The following VCAN variants were observed in gnomAD, a reference collection of about 807,000 sequenced individuals.
The protein encoded by VCAN is versican core protein.
Under a neutral mutation model 245.5 loss-of-function variants are expected in VCAN, and 44 were observed. The observed-to-expected ratio is 0.18, with a 90% CI of 0.14 to 0.23. The LOEUF (loss-of-function observed/expected upper bound fraction) is 0.23. Ranked by LOEUF, VCAN falls within the 10% of genes least tolerant of loss-of-function variation. VCAN has a pLI of 1.00. For synonymous variants in VCAN, 1,413 were observed against 1,437.0 expected (o/e 0.98, Z 0.38); for missense variants, 3,793 against 4,057.9 (o/e 0.93, Z 1.77).
chr5:83,546,370 A>G (rs1411849156), intron 9 of VCAN, among the ~76,000 whole-genome samples: 1 of 152,168 alleles, frequency 6.6e-6, no homozygotes, highest in Non-Finnish European at 1.5e-5. Flanking sequence ...TTTGCTTACA[A>G]TGATTGAGTA....
At position 83,548,102 on chromosome 5, in the gene VCAN, A is replaced by C. The variant is rs1459391945; in HGVS notation, c.9493+18A>C. 1.3e-6 allele frequency: 2 copies of C among 1,580,790 alleles called. No homozygotes were observed. The highest frequency in any genetic ancestry group is 1.7e-6 in the Non-Finnish European group (2 of 1,149,980). On this transcript the variant is annotated intron_variant, in intron 10 of 14. Coordinates refer to ENST00000265077, the MANE Select transcript of VCAN (RefSeq NM_004385.5). ...TGAGCAAGGTAAGAGCTATTGCAAC[A>C]TTTGTATGATGAACATTATTGATTT...
At chr5:83,476,135 G>A (rs1283282156) in intron 1 of VCAN, among the ~76,000 whole-genome samples, 1 of 152,144 alleles carries the variant, frequency 6.6e-6, no homozygotes, top group East Asian at 1.9e-4. Context: ...CTCTTTTGTT[G>A]TATTATTAGG....
At chr5:83,492,350 G>A (rs1745010714) in intron 3 of VCAN, among the ~76,000 whole-genome samples, 2 of 152,158 alleles carry the variant, frequency 1.3e-5, no homozygotes, top group South Asian at 4.1e-4. Context: ...GGAAACCACA[G>A]TTTATCCCAA....
At chr5:83,570,996 T>C (rs1748266786) in intron 12 of VCAN, among the ~76,000 whole-genome samples, 2 of 152,148 alleles carry the variant, frequency 1.3e-5, no homozygotes, top group Admixed American at 1.3e-4. Flanking sequence ...CTAACAGATC[T>C]GTAGGCCCAG....
intron 13 of VCAN, among the ~76,000 whole-genome samples, chr5:83,573,918 G>A (rs1426639894): frequency 6.6e-6 from 1 of 152,188 alleles, no homozygotes; most frequent in African/African-American, 2.4e-5. Flanking sequence ...CATAAATGGA[G>A]ATGTATAAAA....
chr5:83,489,957 T>C, intron 2 of VCAN, 141 bp from the exon 3 acceptor site: 3 of 822,216 alleles, frequency 3.6e-6, no homozygotes, highest in Non-Finnish European at 5.7e-6. Flanking sequence ...TGCTATTCTC[T>C]TTATATAAAG....
At chr5:83,496,214 T>A (rs767069256) in intron 5 of VCAN, among the ~76,000 whole-genome samples, 19 of 152,220 alleles carry the variant, frequency 1.2e-4, no homozygotes, top group Non-Finnish European at 8.8e-5. Flanking sequence ...AGAGGAGCTC[T>A]GAGGATGTAT....
intron 7 of VCAN, among the ~76,000 whole-genome samples, chr5:83,523,046 T>G (rs150158864): frequency 1.3e-5 from 2 of 152,306 alleles, no homozygotes; most frequent in African/African-American, 4.8e-5. Flanking sequence ...ATTTTATGAT[T>G]TAATTGTTTT....
At chr5:83,507,772 C>T (rs1327625399) in intron 5 of VCAN, among the ~76,000 whole-genome samples, 1 of 152,198 alleles carries the variant, frequency 6.6e-6, no homozygotes, top group African/African-American at 2.4e-5. Context: ...TTCCACTGTG[C>T]TATAGTTTAC....
chr5:83,573,504 A>C (rs1413297400), intron 13 of VCAN, among the ~76,000 whole-genome samples: 1 of 152,176 alleles, frequency 6.6e-6, no homozygotes, highest in Non-Finnish European at 1.5e-5. Flanking sequence ...CTAAATGTTG[A>C]AATCTCAAAG....
chr5:83,553,595 G>C, intron 11 of VCAN, 73 bp downstream of exon 11: 1 of 1,592,894 alleles, frequency 6.3e-7, no homozygotes, highest in Non-Finnish European at 8.6e-7. Flanking sequence ...CTGTGTGCAA[G>C]TGAAAAGAAG....
chr5:83,570,693 A>G (rs1267849652), intron 12 of VCAN, among the ~76,000 whole-genome samples: 1 of 152,192 alleles, frequency 6.6e-6, no homozygotes, highest in Non-Finnish European at 1.5e-5. Flanking sequence ...TTTGGTATTG[A>G]AAACACTGCA....
In VCAN at chr5:83,539,941, C is replaced by T. The variant is rs764565583; in HGVS notation, c.6938C>T (p.Pro2313Leu). Residue 2313 changes from proline (P) to leucine (L), a missense_variant, in exon 8 of 15, where the codon CCA becomes CTA. This residue lies in a region of VCAN where 3,182 missense variants were observed against 3,250.3 expected (regional missense o/e 0.98). Transcript: ENST00000265077. ...RMENVAKEVG[P>L]LVSQTDIFEG... is the part of the protein sequence containing the mutation. Reference sequence around the variant, plus strand: ...GAAAATGTGGCAAAAGAAGTTGGACCACTCGTATCTCAAACAGACATCTTT... The same window carrying T: ...GAAAATGTGGCAAAAGAAGTTGGACTACTCGTATCTCAAACAGACATCTTT... 1 of 1,614,060 alleles carries T rather than the reference C, an allele frequency of 6.2e-7. No homozygotes were observed. Among genetic ancestry groups the T allele is most frequent in the South Asian group, 1.1e-5 (1 of 91,084 alleles).
intron 10 of VCAN, among the ~76,000 whole-genome samples, chr5:83,552,241 C>G (rs994258010): frequency 6.6e-6 from 1 of 152,148 alleles, no homozygotes; most frequent in East Asian, 1.9e-4. Context: ...GCCACCAAAA[C>G]TAACGTATAA....
chr5:83,495,508 A>G (rs771201452), intron 5 of VCAN, among the ~76,000 whole-genome samples: 4 of 152,378 alleles, frequency 2.6e-5, no homozygotes, highest in Non-Finnish European at 4.4e-5. Context: ...GTTGAAATAC[A>G]TAAAACTAGA....
intron 3 of VCAN, among the ~76,000 whole-genome samples, chr5:83,492,689 A>G (rs962068606): frequency 2.6e-5 from 4 of 152,216 alleles, no homozygotes; most frequent in African/African-American, 7.2e-5. Flanking sequence ...TGAGGCAAGT[A>G]TCAGGAGCTT....
chr5:83,518,004 G>A (rs967390196), intron 6 of VCAN, among the ~76,000 whole-genome samples: 2 of 152,038 alleles, frequency 1.3e-5, no homozygotes, highest in African/African-American at 2.4e-5. Flanking sequence ...GAGCTAAAAG[G>A]TAGCCTGTTT....
chr5:83,480,845 G>A (rs1267830447), intron 1 of VCAN, among the ~76,000 whole-genome samples: 1 of 152,088 alleles, frequency 6.6e-6, no homozygotes, highest in Admixed American at 6.5e-5. Flanking sequence ...TTTACTCTTA[G>A]TGATATGAAA....
At position 83,578,237 on chromosome 5, in the gene VCAN, A is replaced by G. The variant is rs182311175; in HGVS notation, c.9881-1743A>G. Reference sequence around the variant, plus strand: ...TTAGCAAACTAACACAGGAACAGAAAACCAAATACTGCGTATTTTCACTTA... The same window carrying G: ...TTAGCAAACTAACACAGGAACAGAAGACCAAATACTGCGTATTTTCACTTA... On this transcript the variant is annotated intron_variant, in intron 13 of 14. Coordinates refer to ENST00000265077, the MANE Select transcript of VCAN (RefSeq NM_004385.5). 3.2e-3 allele frequency among the ~76,000 whole-genome samples: 484 copies of G among 152,268 alleles called. 1 individual carries two copies. The highest frequency in any genetic ancestry group is 0.014 in the Middle Eastern group (4 of 294).
Sources: gnomAD v4.1 joint callset for allele counts (sites outside exome capture counted in the v4.1 genomes callset) on GRCh38, gnomAD v4.1.1 for gene constraint, gnomAD v4.1.1 regional missense constraint, MANE v1.5 for transcripts, NCBI Gene and HGNC (gene_info 2026-07-23, HGNC 2026-07-21) for gene names.